Variants in TRIM44 observed in about 807,000 individuals in gnomAD.
TRIM44 encodes the protein tripartite motif-containing protein 44.
TRIM44 carries 13 observed loss-of-function variants against 37.4 expected under a neutral mutation model. The observed-to-expected ratio is 0.35, with a 90% CI of 0.23 to 0.55. The LOEUF (loss-of-function observed/expected upper bound fraction) is 0.55, where lower values mean the gene tolerates loss of function less well. Ranked by LOEUF, TRIM44 falls within the 20% of genes least tolerant of loss-of-function variation. The pLI, the probability that TRIM44 is intolerant of heterozygous loss-of-function variation, is 0.89. For synonymous variants in TRIM44, 175 were observed against 157.2 expected, an observed-to-expected ratio of 1.11 and a Z score of -0.85; for missense variants, 426 against 437.2, an observed-to-expected ratio of 0.97 and a Z score of 0.23.
intron 4 of TRIM44, 80 bp downstream of exon 4, chr11:35,735,525 T>C (rs1420161479): frequency 2.1e-6 from 3 of 1,414,982 alleles, no homozygotes; most frequent in African/African-American, 1.4e-5. Context: ...CCATGAAATA[T>C]AGACAGCCAA....
intron 4 of TRIM44, among the ~76,000 whole-genome samples, chr11:35,760,050 GT>G (rs1227332622): frequency 2.6e-5 from 4 of 152,204 alleles, no homozygotes; most frequent in Non-Finnish European, 5.9e-5. Context: ...GTCTGCAGAG[GT>G]TTCTGCTGCG....
chr11:35,673,262 T>G (rs552598335), intron 1 of TRIM44, among the ~76,000 whole-genome samples: 24 of 152,332 alleles, frequency 1.6e-4, no homozygotes. Flanking sequence ...GCATATGATA[T>G]TGGGCAGAGA....
intron 2 of TRIM44, among the ~76,000 whole-genome samples, chr11:35,718,061 A>G (rs1017196207): frequency 6.6e-6 from 1 of 152,144 alleles, no homozygotes; most frequent in African/African-American, 2.4e-5. Flanking sequence ...TAATAGAATA[A>G]TCTTGTCTTT....
chr11:35,715,285 G>A (rs140602867), intron 2 of TRIM44, among the ~76,000 whole-genome samples: 6 of 152,304 alleles, frequency 3.9e-5, no homozygotes, highest in Admixed American at 6.5e-5. Flanking sequence ...CCAGTCAGCT[G>A]TGACTGTGTC....
At chr11:35,666,705 G>A (rs1851335717) in intron 1 of TRIM44, among the ~76,000 whole-genome samples, 1 of 152,146 alleles carries the variant, frequency 6.6e-6, no homozygotes, top group Non-Finnish European at 1.5e-5. Flanking sequence ...GCTGCAGTGA[G>A]TTATGATCCT....
chr11:35,687,564 T>C (rs1269201706), intron 2 of TRIM44, among the ~76,000 whole-genome samples: 2 of 152,216 alleles, frequency 1.3e-5, no homozygotes, highest in Non-Finnish European at 2.9e-5. Flanking sequence ...GCCAAACTTA[T>C]AATTAGCAGT....
chr11:35,705,167 G>A (rs1851861775), intron 2 of TRIM44, among the ~76,000 whole-genome samples: 1 of 149,754 alleles, frequency 6.7e-6, no homozygotes, highest in Non-Finnish European at 1.5e-5. Flanking sequence ...GACAAAGAAG[G>A]CCATTACATA....
intron 4 of TRIM44, among the ~76,000 whole-genome samples, chr11:35,783,146 G>C (rs1222631315): frequency 1.3e-5 from 2 of 152,120 alleles, no homozygotes; most frequent in Non-Finnish European, 2.9e-5. Flanking sequence ...TCATTTTATA[G>C]AGGTATCTGA....
At chr11:35,790,879 G>T (rs1471210728) in intron 4 of TRIM44, among the ~76,000 whole-genome samples, 1 of 152,168 alleles carries the variant, frequency 6.6e-6, no homozygotes, top group Non-Finnish European at 1.5e-5. Flanking sequence ...GTAGAACTGG[G>T]TAGTAGTAAA....
intron 3 of TRIM44, among the ~76,000 whole-genome samples, chr11:35,734,795 G>C (rs1271856561): frequency 6.6e-6 from 1 of 152,194 alleles, no homozygotes; most frequent in Non-Finnish European, 1.5e-5. Context: ...AAGAGCCATT[G>C]TTTGATGGAA....
intron 1 of TRIM44, among the ~76,000 whole-genome samples, chr11:35,675,161 G>A (rs1385927075): frequency 6.6e-6 from 1 of 152,174 alleles, no homozygotes; most frequent in Non-Finnish European, 1.5e-5. Context: ...AGTGCCTGCT[G>A]GATGGTAGAT....
intron 4 of TRIM44, among the ~76,000 whole-genome samples, chr11:35,781,682 A>G (rs1853067305): frequency 6.6e-6 from 1 of 152,262 alleles, no homozygotes; most frequent in Non-Finnish European, 1.5e-5. Flanking sequence ...AAATTCTAAA[A>G]CAAGGAAGGA....
intron 4 of TRIM44, among the ~76,000 whole-genome samples, chr11:35,742,545 ATTATATTAAT>A (rs1471473765): frequency 3.0e-5 from 4 of 133,192 alleles, no homozygotes; most frequent in African/African-American, 1.1e-4. Context: ...AATTATATTA[ATTATATTAAT>A]TGTATTATAT....
At chr11:35,689,596 G>A (rs1374165673) in intron 2 of TRIM44, among the ~76,000 whole-genome samples, 3 of 152,102 alleles carry the variant, frequency 2.0e-5, no homozygotes, top group Non-Finnish European at 4.4e-5. Context: ...TACATTTATG[G>A]TAGGCTTTAG....
At chr11:35,806,118 T>C (rs1853444804) in intron 4 of TRIM44, among the ~76,000 whole-genome samples, 1 of 152,206 alleles carries the variant, frequency 6.6e-6, no homozygotes, top group Non-Finnish European at 1.5e-5. Context: ...ATGTATTCTC[T>C]TATTTAATCC....
At chr11:35,715,486 G>T (rs1448342099) in intron 2 of TRIM44, among the ~76,000 whole-genome samples, 1 of 151,820 alleles carries the variant, frequency 6.6e-6, no homozygotes, top group Non-Finnish European at 1.5e-5. Context: ...ATGGAGGAGG[G>T]AGAACCATGA....
chr11:35,812,509 A>G lies in TRIM44; in HGVS notation c.*6124A>G, dbSNP rs1013252939. Reference sequence around the variant, plus strand: ...CATTATCATAATAGTAACAGCACCAATACTATCATTCCCCACTTTGTTGCT... The same window carrying G: ...CATTATCATAATAGTAACAGCACCAGTACTATCATTCCCCACTTTGTTGCT... On this transcript the variant is annotated 3_prime_UTR_variant, in exon 5 of 5. Transcript: ENST00000299413. 6.6e-6 allele frequency: 1 copy of G among 152,196 alleles called. No individual in the cohort carries two copies. The highest frequency in any genetic ancestry group is 1.5e-5 in the Non-Finnish European group (1 of 68,036). The allele number at this position is 152,196 out of a possible 1,614,324, so 9.4% of individuals were successfully genotyped here.
At chr11:35,689,161 C>T (rs1421859870) in intron 2 of TRIM44, among the ~76,000 whole-genome samples, 4 of 152,076 alleles carry the variant, frequency 2.6e-5, no homozygotes, top group East Asian at 1.9e-4. Flanking sequence ...GGATCCTGGT[C>T]GGGATTTAGG....
At chr11:35,742,815 A>T (rs1244580134) in intron 4 of TRIM44, among the ~76,000 whole-genome samples, 1 of 143,260 alleles carries the variant, frequency 7.0e-6, no homozygotes, top group Non-Finnish European at 1.5e-5. Context: ...AAATATAATT[A>T]TAATATTAAT....
Sources: gnomAD v4.1 joint callset for allele counts (sites outside exome capture counted in the v4.1 genomes callset) on GRCh38, gnomAD v4.1.1 for gene constraint, MANE v1.5 for transcripts, NCBI Gene and HGNC (gene_info 2026-07-23, HGNC 2026-07-21) for gene names.